Variants in RB1CC1 observed in about 807,000 individuals in gnomAD.
RB1CC1 encodes RB1-inducible coiled-coil protein 1.
Under a neutral mutation model 177.5 loss-of-function variants are expected in RB1CC1, and 46 were observed. That is an observed-to-expected ratio of 0.26 (90% CI 0.20 to 0.33). The LOEUF is 0.33. Among genes scored for constraint, RB1CC1 ranks in the 10% least tolerant of loss-of-function variants. RB1CC1 has a pLI of 1.00. For missense variants in RB1CC1, 1,703 were observed against 1,816.3 expected, an observed-to-expected ratio of 0.94 and a Z score of 1.13; for synonymous variants, 666 against 613.6, an observed-to-expected ratio of 1.09 and a Z score of -1.26.
chr8:52,700,781 A>G (rs894305318), intron 1 of RB1CC1, among the ~76,000 whole-genome samples: 1 of 152,270 alleles, frequency 6.6e-6, no homozygotes, highest in African/African-American at 2.4e-5. Context: ...TCCTATAAGT[A>G]AACATGTATA....
At chr8:52,677,709 T>C (rs1473185722) in intron 5 of RB1CC1, among the ~76,000 whole-genome samples, 2 of 152,200 alleles carry the variant, frequency 1.3e-5, no homozygotes, top group South Asian at 2.1e-4. Flanking sequence ...ATGGTCTTTA[T>C]GGGGTAGGAA....
At chr8:52,714,009 C>A (rs1013940195) in intron 1 of RB1CC1, 66 bp downstream of exon 1, 28 of 318,906 alleles carry the variant, frequency 8.8e-5, no homozygotes, top group Non-Finnish European at 1.6e-4. Flanking sequence ...GCCCACCGTG[C>A]CAGGGCCCGC....
intron 1 of RB1CC1, among the ~76,000 whole-genome samples, chr8:52,702,003 T>G (rs906506422): frequency 6.6e-6 from 1 of 152,042 alleles, no homozygotes; most frequent in African/African-American, 2.4e-5. Context: ...AGATGAAGTT[T>G]CACAATGTTG....
At chr8:52,671,304 G>T (rs1852570690) in intron 7 of RB1CC1, among the ~76,000 whole-genome samples, 1 of 152,112 alleles carries the variant, frequency 6.6e-6, no homozygotes, top group African/African-American at 2.4e-5. Context: ...GTTACAATTG[G>T]AATTAATCTG....
At position 52,622,649 on chromosome 8, in the gene RB1CC1, C is replaced by T. The variant is rs928803055; in HGVS notation, c.*1133G>A. The T allele has an allele frequency of 6.6e-6, 1 of 151,970 alleles. No homozygotes were observed. Among genetic ancestry groups the T allele is most frequent in the African/African-American group, 2.4e-5 (1 of 41,390 alleles). The allele number at this position is 151,970 out of a possible 1,614,324, so 9.4% of individuals were successfully genotyped here. The stretch of plus-strand genomic sequence containing the variant: ...CTCTAGCAACAAACCTCAAACAATT[C>T]TCATCCAACTCAACTAACTCATTTA... On this transcript the variant is annotated 3_prime_UTR_variant, in exon 24 of 24. Coordinates refer to ENST00000025008, the MANE Select transcript of RB1CC1 (RefSeq NM_014781.5).
At chr8:52,659,761 G>C (rs1300198290) in intron 12 of RB1CC1, among the ~76,000 whole-genome samples, 1 of 152,202 alleles carries the variant, frequency 6.6e-6, no homozygotes, top group African/African-American at 2.4e-5. Context: ...AATTTGGGAG[G>C]CCAAGGTGGG....
Position 52,661,256 on chromosome 8 carries a change from C to T in RB1CC1, c.1384G>A (p.Ala462Thr). The change falls in exon 10 of 24, where the codon GCT becomes ACT. Residue 462 changes from alanine to threonine, a missense_variant. Transcript: ENST00000025008. ...LKWCCFVMLH[A>T]DQDGEKLQAL... ...TGTAACTTCTCTCCATCTTGATCAG[C>T]ATGAAGCATTACAAAGCAACACCAC... 6.2e-7 allele frequency: 1 copy of T among 1,613,450 alleles called. No homozygotes were observed. The highest frequency in any genetic ancestry group is 8.5e-7 in the Non-Finnish European group (1 of 1,179,778).
chr8:52,658,990 A>G lies in RB1CC1; in HGVS notation c.1690-14T>C, dbSNP rs1851352339. The G allele has an allele frequency of 1.4e-6, 2 of 1,446,734 alleles. No homozygotes were observed. The highest frequency in any genetic ancestry group is 2.9e-5 in the African/African-American group (2 of 68,408). The allele number at this position is 1,446,734 out of a possible 1,614,324, so 89.6% of individuals were successfully genotyped here. On this transcript the variant is annotated splice_polypyrimidine_tract_variant and intron_variant, in intron 12 of 23. Coordinates refer to ENST00000025008, the MANE Select transcript of RB1CC1 (RefSeq NM_014781.5). ...AGGCTTTTGAGTCTGTACCAAAAAAATTAATTACTTAAAAAATTTTTTTTC... is the reference window on the plus strand; with the variant it reads ...AGGCTTTTGAGTCTGTACCAAAAAAGTTAATTACTTAAAAAATTTTTTTTC...
At chr8:52,680,647 A>G (rs952289976) in intron 5 of RB1CC1, among the ~76,000 whole-genome samples, 3 of 152,210 alleles carry the variant, frequency 2.0e-5, no homozygotes, top group African/African-American at 7.2e-5. Context: ...AACAATCTCA[A>G]TACCTACTAG....
intron 20 of RB1CC1, among the ~76,000 whole-genome samples, chr8:52,634,403 G>A (rs1401010473): frequency 2.0e-5 from 3 of 151,962 alleles, no homozygotes; most frequent in African/African-American, 7.3e-5. Context: ...CAGCACACTT[G>A]TAATCCCAGC....
At chr8:52,635,059 A>C in intron 19 of RB1CC1, 91 bp from the exon 20 acceptor site, 1 of 1,230,648 alleles carries the variant, frequency 8.1e-7, no homozygotes, top group Non-Finnish European at 1.1e-6. Context: ...TCAGACAAAA[A>C]TGTTTGGTTC....
chr8:52,670,010 C>G (rs80175437), intron 7 of RB1CC1, among the ~76,000 whole-genome samples: 4,516 of 152,282 alleles, frequency 0.03, 254 homozygotes, highest in African/African-American at 0.1. Flanking sequence ...ATAGAGTGCA[C>G]TGGCATGATC....
In RB1CC1 at chr8:52,678,969, A is replaced by G. The variant is rs1346603336; in HGVS notation, c.370-2398T>C. Reference sequence around the variant, plus strand: ...TTCTCCTTCATGAAACCAACCAAATACAAAAGGGAAACAAGACACCATCTT... The same window carrying G: ...TTCTCCTTCATGAAACCAACCAAATGCAAAAGGGAAACAAGACACCATCTT... On this transcript the variant is annotated intron_variant, in intron 5 of 23. Coordinates refer to ENST00000025008, the MANE Select transcript of RB1CC1 (RefSeq NM_014781.5). 3.9e-4 allele frequency among the ~76,000 whole-genome samples: 60 copies of G among 152,340 alleles called. No homozygotes were observed. The South Asian group carries it at 0.012, about 31-fold the overall frequency.
intron 1 of RB1CC1, among the ~76,000 whole-genome samples, chr8:52,695,017 A>G (rs1055503137): frequency 3.9e-5 from 6 of 152,212 alleles, no homozygotes; most frequent in African/African-American, 1.4e-4. Flanking sequence ...AAGACTCACA[A>G]TAGATAAATA....
chr8:52,651,627 C>G (rs1850592913), intron 15 of RB1CC1, among the ~76,000 whole-genome samples: 1 of 152,186 alleles, frequency 6.6e-6, no homozygotes, highest in African/African-American at 2.4e-5. Flanking sequence ...GATGATCAAA[C>G]TGCTGGTACC....
At chr8:52,674,549 A>G (rs1852911517) in intron 6 of RB1CC1, among the ~76,000 whole-genome samples, 1 of 152,136 alleles carries the variant, frequency 6.6e-6, no homozygotes, top group Non-Finnish European at 1.5e-5. Context: ...GCAGCAAATC[A>G]TTTGAGGTCA....
At chr8:52,636,288 G>A (rs1218781995) in intron 18 of RB1CC1, among the ~76,000 whole-genome samples, 1 of 152,130 alleles carries the variant, frequency 6.6e-6, no homozygotes, top group Non-Finnish European at 1.5e-5. Flanking sequence ...GTAAAACTCT[G>A]TGTATGCATT....
At chr8:52,684,728 T>C (rs929001710) in intron 3 of RB1CC1, among the ~76,000 whole-genome samples, 10 of 152,168 alleles carry the variant, frequency 6.6e-5, no homozygotes, top group Non-Finnish European at 7.3e-5. Flanking sequence ...ATGGAAGTGA[T>C]ATACATTGTT....
At position 52,674,039 on chromosome 8, in the gene RB1CC1, C is replaced by T. The variant is rs34252496; in HGVS notation, c.808G>A (p.Ala270Thr). The change falls in exon 7 of 24, where the codon GCA becomes ACA. Residue 270 changes from alanine (A) to threonine (T), a missense_variant. Ala to Thr is a moderately conservative substitution (Grantham distance 58). Coordinates refer to ENST00000025008, the MANE Select transcript of RB1CC1 (RefSeq NM_014781.5). ...ATTTCTTTGCCACTTTCAGCATCTG[C>T]GGTATCTGGGGACACATGTTCCACT... The part of the protein sequence containing the change: ...KSVEHVSPDT[A>T]DAESGKEIRE... The T allele has an allele frequency of 8.9e-5, 143 of 1,614,116 alleles. No homozygotes were observed. The Admixed American group carries it at 1.5e-3, about 17-fold the overall frequency.
Sources: allele counts gnomAD v4.1 joint callset (sites outside exome capture counted in the v4.1 genomes callset), GRCh38; gene constraint gnomAD v4.1.1; transcripts MANE v1.5; gene names NCBI Gene and HGNC (gene_info 2026-07-23, HGNC 2026-07-21).